The following LRIG3 variants were observed in gnomAD, a reference collection of about 807,000 sequenced individuals.
LRIG3 encodes leucine-rich repeats and immunoglobulin-like domains protein 3.
Under a neutral mutation model 114.5 loss-of-function variants are expected in LRIG3, and 76 were observed. The ratio of observed to expected loss-of-function variants is 0.66; its 90% CI spans 0.55 to 0.80. LRIG3 has a LOEUF of 0.80. LRIG3 is among the 30% of genes least tolerant of loss of function. LRIG3 has a pLI of 0.00. For synonymous variants in LRIG3, 512 were observed against 519.8 expected (o/e 0.98, Z 0.20); for missense variants, 1,239 against 1,382.8 (o/e 0.90, Z 1.65).
At chr12:58,899,257 C>G (rs11831273) in intron 3 of LRIG3, among the ~76,000 whole-genome samples, 68 of 152,334 alleles carry the variant, frequency 4.5e-4, no homozygotes, top group African/African-American at 1.5e-3. Context: ...TCAGTAGGTC[C>G]TTTCAATCTA....
rs188443600 is a variant in LRIG3, at chr12:58,913,662, T to A, written c.383+320A>T. On this transcript the variant is annotated intron_variant, in intron 3 of 18. Coordinates refer to ENST00000320743, the MANE Select transcript of LRIG3 (RefSeq NM_153377.5). Reference sequence around the variant, plus strand: ...GATCCCCATGCCAACCATTGAGCGATACTAAAATTAAAGTCCTAGTCTACA... The same window carrying A: ...GATCCCCATGCCAACCATTGAGCGAAACTAAAATTAAAGTCCTAGTCTACA... 11 of 213,870 alleles carry A rather than the reference T, an allele frequency of 5.1e-5. No homozygotes were observed. In the East Asian group the frequency reaches 1.1e-3, roughly 20 times the overall value. 13.2% of individuals were successfully genotyped at this position (213,870 alleles called of 1,614,324 possible).
chr12:58,876,098 T>A (rs924510841), intron 16 of LRIG3, among the ~76,000 whole-genome samples: 1 of 152,120 alleles, frequency 6.6e-6, no homozygotes, highest in African/African-American at 2.4e-5. Context: ...TTAAAGAAAA[T>A]AATGTAAACC....
At chr12:58,893,564 G>C (rs978337588) in intron 3 of LRIG3, among the ~76,000 whole-genome samples, 1 of 152,156 alleles carries the variant, frequency 6.6e-6, no homozygotes, top group Non-Finnish European at 1.5e-5. Context: ...TAAAGTCCTT[G>C]ATCTAGCTGT....
At chr12:58,899,074 A>C (rs1871749820) in intron 3 of LRIG3, among the ~76,000 whole-genome samples, 1 of 152,216 alleles carries the variant, frequency 6.6e-6, no homozygotes, top group Non-Finnish European at 1.5e-5. Context: ...ATTGGTGGGC[A>C]GGGGCTTCTG....
chr12:58,896,349 T>G (rs1871641945), intron 3 of LRIG3, among the ~76,000 whole-genome samples: 1 of 152,190 alleles, frequency 6.6e-6, no homozygotes, highest in South Asian at 2.1e-4. Context: ...CATGCTCTCT[T>G]AAGTGGATAT....
rs542719474 is a variant in LRIG3 at position 58,914,656 on chromosome 12, A to G, written c.237-320T>C. The G allele has an allele frequency of 6.0e-5, 14 of 231,494 alleles. No homozygotes were observed. The East Asian group carries it at 6.3e-4, about 10-fold the overall frequency. 14.3% of individuals were successfully genotyped at this position (231,494 alleles called of 1,614,324 possible). ...CTCCCATCTCCCCACTCCTAACCTG[A>G]TATGATGACATCATGGTTTAAGAAA... On this transcript the variant is annotated intron_variant, in intron 1 of 18. Coordinates refer to ENST00000320743, the MANE Select transcript of LRIG3 (RefSeq NM_153377.5).
At chr12:58,885,690 T>G (rs142647764) in intron 10 of LRIG3, 141 bp downstream of exon 10, 1 of 424,488 alleles carries the variant, frequency 2.4e-6, no homozygotes, top group Non-Finnish European at 4.3e-6. Context: ...AATAGAAAGA[T>G]AGGGAGATGT....
rs746553446 is a variant in LRIG3, at chr12:58,878,827, G to A, written c.2080C>T (p.Leu694=). 8.7e-6 allele frequency: 14 copies of A among 1,612,834 alleles called. 1 individual carries two copies. In the South Asian group the frequency reaches 1.4e-4, roughly 16 times the overall value. Residue 694 remains leucine, a synonymous_variant, in exon 14 of 19, where the codon CTA becomes TTA. Transcript: ENST00000320743. ...GAATCTTAACAAATTCACCCACCTA[G>A]GACAGTCAGAGTTGCATTTGCTGAA... The part of the protein sequence containing the change: ...SISANATLTV[L]ETPSFLRPLL...
At chr12:58,898,405 T>C (rs78594082) in intron 3 of LRIG3, among the ~76,000 whole-genome samples, 1,849 of 152,274 alleles carry the variant, frequency 0.012, 33 homozygotes, top group East Asian at 0.088. Flanking sequence ...GTCATACAAC[T>C]GCATCATGTA....
intron 1 of LRIG3, among the ~76,000 whole-genome samples, chr12:58,919,108 ATTGT>A (rs1480047400): frequency 6.6e-6 from 1 of 152,186 alleles, no homozygotes; most frequent in African/African-American, 2.4e-5. Flanking sequence ...ACAAATTTTG[ATTGT>A]TTACTTTTTA....
At chr12:58,881,661 G>C (rs1871134308) in intron 12 of LRIG3, among the ~76,000 whole-genome samples, 1 of 152,096 alleles carries the variant, frequency 6.6e-6, no homozygotes, top group African/African-American at 2.4e-5. Context: ...TCTAAACCCA[G>C]AAGGAAACAT....
chr12:58,914,815 C>A (rs1030897021), intron 1 of LRIG3, among the ~76,000 whole-genome samples: 1 of 152,158 alleles, frequency 6.6e-6, no homozygotes, highest in Non-Finnish European at 1.5e-5. Flanking sequence ...TGTTTCTCTG[C>A]GTTAAAGCAC....
chr12:58,887,164 A>T, intron 8 of LRIG3: 1 of 347,536 alleles, frequency 2.9e-6, no homozygotes, highest in Non-Finnish European at 5.2e-6. Flanking sequence ...AATGATCCGA[A>T]CAGTCTGAAA....
At chr12:58,919,797 G>A (rs1314817829) in intron 1 of LRIG3, among the ~76,000 whole-genome samples, 1 of 152,194 alleles carries the variant, frequency 6.6e-6, no homozygotes, top group African/African-American at 2.4e-5. Flanking sequence ...GAGCCCACCT[G>A]CGCCGCCCGC....
intron 1 of LRIG3, among the ~76,000 whole-genome samples, chr12:58,918,105 C>T (rs1403562569): frequency 6.6e-6 from 1 of 152,214 alleles, no homozygotes; most frequent in Non-Finnish European, 1.5e-5. Context: ...AATGACAGAG[C>T]TGTCCAATAA....
At chr12:58,888,532 G>C in intron 6 of LRIG3, 60 bp from the exon 7 acceptor site, 2 of 1,586,704 alleles carry the variant, frequency 1.3e-6, no homozygotes, top group Non-Finnish European at 1.7e-6. Context: ...TCTCTTCAAA[G>C]GGGACATATG....
At chr12:58,900,856 T>C (rs1456552118) in intron 3 of LRIG3, among the ~76,000 whole-genome samples, 1 of 152,342 alleles carries the variant, frequency 6.6e-6, no homozygotes, top group East Asian at 1.9e-4. Flanking sequence ...GAATAAGGCA[T>C]AGAAAATGTG....
At chr12:58,901,986 C>A (rs931001774) in intron 3 of LRIG3, among the ~76,000 whole-genome samples, 1 of 152,148 alleles carries the variant, frequency 6.6e-6, no homozygotes, top group African/African-American at 2.4e-5. Context: ...ACTAAACTAT[C>A]AACAAATGGG....
At chr12:58,910,372 G>T (rs1356500040) in intron 3 of LRIG3, among the ~76,000 whole-genome samples, 1 of 152,224 alleles carries the variant, frequency 6.6e-6, no homozygotes, top group African/African-American at 2.4e-5. Context: ...CATTCTGGGA[G>T]GCTGAGGCGG....
Sources: gnomAD v4.1 joint callset for allele counts (sites outside exome capture counted in the v4.1 genomes callset) on GRCh38, gnomAD v4.1.1 for gene constraint, MANE v1.5 for transcripts, NCBI Gene and HGNC (gene_info 2026-07-23, HGNC 2026-07-21) for gene names.